The following AMZ2 variants were observed in gnomAD, a reference collection of about 807,000 sequenced individuals.
AMZ2 encodes the protein archaelysin family metallopeptidase 2, also known as archaemetzincin-2.
In AMZ2, 26 loss-of-function variants were observed where a neutral mutation model predicts 36.7. The ratio of observed to expected loss-of-function variants is 0.71; its 90% confidence interval spans 0.52 to 0.98. The LOEUF is 0.98. Among genes scored for constraint, AMZ2 ranks in the 50% least tolerant of loss-of-function variants. AMZ2 has a pLI of 0.00. For synonymous variants in AMZ2, 144 were observed against 149.1 expected (o/e 0.97, Z 0.25); for missense variants, 394 against 430.5 (o/e 0.92, Z 0.75).
intron 1 of AMZ2, among the ~76,000 whole-genome samples, chr17:68,208,306 T>TA (rs1217231071): frequency 3.9e-5 from 6 of 152,146 alleles, no homozygotes; most frequent in African/African-American, 1.4e-4. Context: ...GAAGAACCTT[T>TA]ATGTCTATCT....
intron 1 of AMZ2, among the ~76,000 whole-genome samples, chr17:68,221,207 G>GCCCC (rs1284093591): frequency 1.6e-3 from 27 of 16,902 alleles, no homozygotes; most frequent in African/African-American, 4.3e-3. Flanking sequence ...TCAGCCCTCA[G>GCCCC]CTCCCCCCCC....
intron 1 of AMZ2, among the ~76,000 whole-genome samples, chr17:68,209,632 A>ATATATATGTATATATATTTTTTTTTT: frequency 1.1e-5 from 1 of 90,698 alleles, no homozygotes; most frequent in Non-Finnish European, 2.0e-5. Flanking sequence ...ATATATATAT[A>ATATATATGTATATATATTTTTTTTTT]TTTTTTTTTT....
chr17:68,225,915 A>G (rs7226053), intron 1 of AMZ2, among the ~76,000 whole-genome samples: 53,831 of 151,744 alleles, frequency 0.35, 10,607 homozygotes, highest in African/African-American at 0.54. Context: ...GAGCCACTGC[A>G]CCCAGCCTTA....
chr17:68,232,368 C>T (rs1555731450), intron 1 of AMZ2, among the ~76,000 whole-genome samples: 1 of 151,388 alleles, frequency 6.6e-6, no homozygotes, highest in African/African-American at 2.4e-5. Context: ...TGGTGGCCTG[C>T]ATCTCTAGTC....
At chr17:68,229,917 G>A (rs1555730794) in intron 1 of AMZ2, among the ~76,000 whole-genome samples, 2 of 152,124 alleles carry the variant, frequency 1.3e-5, no homozygotes, top group Non-Finnish European at 2.9e-5. Context: ...CACTCTCCAC[G>A]TGGCCTCTCT....
Position 68,252,914 on chromosome 17 carries a change from C to T in AMZ2, c.587-1490C>T, listed in dbSNP as rs530674179. Among the ~76,000 whole-genome samples the T allele has an allele frequency of 9.9e-5, 15 of 152,246 alleles. 1 individual carries two copies. The South Asian group carries it at 2.9e-3, about 29-fold the overall frequency. ...TTTGAGGAGGTCAGGAAACATTTCC[C>T]CAAACTGTATTTACTTTAATTCTTT... On this transcript the variant is annotated intron_variant, in intron 4 of 6. Coordinates refer to ENST00000359904, the MANE Select transcript of AMZ2 (RefSeq NM_016627.5).
chr17:68,208,771 C>T (rs2072924353), intron 1 of AMZ2, among the ~76,000 whole-genome samples: 1 of 152,172 alleles, frequency 6.6e-6, no homozygotes, highest in South Asian at 2.1e-4. Context: ...GACCACGAAC[C>T]AACCAGGAGG....
chr17:68,223,854 T>TA (rs1351413867), intron 1 of AMZ2, among the ~76,000 whole-genome samples: 1 of 151,444 alleles, frequency 6.6e-6, no homozygotes, highest in Non-Finnish European at 1.5e-5. Flanking sequence ...TAGCTGGGAT[T>TA]ACAGGCGTGC....
intron 1 of AMZ2, among the ~76,000 whole-genome samples, chr17:68,234,788 A>G: frequency 7.0e-6 from 1 of 143,562 alleles, no homozygotes; most frequent in East Asian, 2.0e-4. Context: ...CAAAAAAAAG[A>G]AAAAAAAAAA....
chr17:68,215,672 C>T lies in AMZ2; in HGVS notation c.-67+9434C>T, dbSNP rs1245425488. ...TAGACATTCAGCAGTTATAGCAGGTCACATTCACGCAATCTCAAGTGCCCT... is the reference window on the plus strand; with the variant it reads ...TAGACATTCAGCAGTTATAGCAGGTTACATTCACGCAATCTCAAGTGCCCT... On this transcript the variant is annotated intron_variant, in intron 1 of 7. Transcript: ENST00000674770. Among the ~76,000 whole-genome samples, 2 of 137,912 alleles carry T rather than the reference C, an allele frequency of 1.5e-5. 1 individual carries two copies. The highest frequency in any genetic ancestry group is 3.2e-5 in the Non-Finnish European group (2 of 61,656). 90.5% of individuals were successfully genotyped at this position (137,912 alleles called of 152,430 possible).
chr17:68,216,105 C>T (rs1168628405), intron 1 of AMZ2, among the ~76,000 whole-genome samples: 16 of 152,134 alleles, frequency 1.1e-4, no homozygotes, highest in African/African-American at 3.9e-4. Flanking sequence ...CCCAATAACG[C>T]AGGTACTATA....
intron 1 of AMZ2, among the ~76,000 whole-genome samples, chr17:68,240,537 G>T (rs1395553446): frequency 2.0e-5 from 3 of 152,166 alleles, no homozygotes; most frequent in African/African-American, 7.2e-5. Flanking sequence ...CAAGAATGGA[G>T]GGCAGGAAAT....
chr17:68,254,172 T>C (rs1281276940), intron 4 of AMZ2, among the ~76,000 whole-genome samples: 2 of 152,232 alleles, frequency 1.3e-5, no homozygotes, highest in Non-Finnish European at 2.9e-5. Context: ...TGACCTCAAG[T>C]CCATTAAGTT....
At chr17:68,216,994 C>T (rs1409244404) in intron 1 of AMZ2, among the ~76,000 whole-genome samples, 3 of 151,168 alleles carry the variant, frequency 2.0e-5, no homozygotes, top group East Asian at 3.9e-4. Context: ...GTTTGCGCCC[C>T]TGCACTCCAG....
chr17:68,254,833 C>G (rs1454432951), intron 5 of AMZ2, among the ~76,000 whole-genome samples: 1 of 152,150 alleles, frequency 6.6e-6, no homozygotes, highest in Non-Finnish European at 1.5e-5. Context: ...ATTCTGAATT[C>G]TGGTATGAGT....
chr17:68,247,826 G>A (rs1416162381), upstream of AMZ2: 4 of 985,594 alleles, frequency 4.1e-6, no homozygotes, highest in East Asian at 1.1e-4. Flanking sequence ...GACTGCGGGG[G>A]TGGACAGCTG....
chr17:68,247,871 A>T (rs2074102303), upstream of AMZ2: 1 of 985,364 alleles, frequency 1.0e-6, no homozygotes, highest in African/African-American at 1.7e-5. Context: ...TCTATTCTGG[A>T]AGAGGCGGGT....
At chr17:68,222,867 A>G (rs1599309567) in intron 1 of AMZ2, among the ~76,000 whole-genome samples, 1 of 152,154 alleles carries the variant, frequency 6.6e-6, no homozygotes, top group East Asian at 1.9e-4. Flanking sequence ...CCAGTTCCTA[A>G]CAAACTATGG....
intron 1 of AMZ2, among the ~76,000 whole-genome samples, chr17:68,239,486 C>G (rs1236985868): frequency 6.6e-6 from 1 of 152,170 alleles, no homozygotes; most frequent in African/African-American, 2.4e-5. Context: ...ACCTCTTAAC[C>G]CTCTTAATGT....
Sources: allele counts gnomAD v4.1 joint callset (sites outside exome capture counted in the v4.1 genomes callset), GRCh38; gene constraint gnomAD v4.1.1; transcripts MANE v1.5; gene names NCBI Gene and HGNC (gene_info 2026-07-23, HGNC 2026-07-21).